IL1RAPL1: variants seen among roughly 807,000 people sequenced by gnomAD.
The protein encoded by IL1RAPL1 is interleukin-1 receptor accessory protein-like 1.
IL1RAPL1 carries 3 observed loss-of-function variants against 48.4 expected under a neutral mutation model. The ratio of observed to expected loss-of-function variants is 0.06; its 90% confidence interval spans 0.03 to 0.16. The LOEUF is 0.16. Ranked by LOEUF, IL1RAPL1 falls within the 10% of genes least tolerant of loss-of-function variation. The pLI is 1.00. For missense variants in IL1RAPL1, 349 were observed against 530.6 expected, an observed-to-expected ratio of 0.66 and a Z score of 3.36; for synonymous variants, 185 against 187.7, an observed-to-expected ratio of 0.99 and a Z score of 0.12.
intron 6 of IL1RAPL1, among the ~76,000 whole-genome samples, chrX:29,766,430 AATATATATATATTTATATGTCCAAAT>A (rs1380259438): frequency 2.1e-5 from 2 of 93,476 alleles, no homozygotes; most frequent in East Asian, 6.1e-4. Context: ...TATATATCCA[AATATATATATATTTATATGTCCAAAT>A]ATATATATAT....
chrX:28,812,839 C>T (rs912252093), intron 2 of IL1RAPL1, among the ~76,000 whole-genome samples: 4 of 110,617 alleles, frequency 3.6e-5, no homozygotes, highest in Non-Finnish European at 7.6e-5. Context: ...TCCTCAGGCA[C>T]ATTCTGTTAA....
chrX:29,023,735 T>A (rs1926421925), intron 2 of IL1RAPL1, among the ~76,000 whole-genome samples: 1 of 112,304 alleles, frequency 8.9e-6, no homozygotes, highest in Non-Finnish European at 1.9e-5. Context: ...GATACCTTCC[T>A]ATGGGGAATC....
intron 2 of IL1RAPL1, among the ~76,000 whole-genome samples, chrX:28,875,780 C>G (rs1160862140): frequency 9.0e-6 from 1 of 111,613 alleles, no homozygotes; most frequent in Non-Finnish European, 1.9e-5. Context: ...TATTGATGAT[C>G]AGAGGCCAAA....
intron 3 of IL1RAPL1, among the ~76,000 whole-genome samples, chrX:29,339,671 A>G (rs1325481315): frequency 8.9e-6 from 1 of 112,154 alleles, no homozygotes; most frequent in Non-Finnish European, 1.9e-5. Context: ...TACAGTTGTC[A>G]TAATTAATGA....
intron 2 of IL1RAPL1, among the ~76,000 whole-genome samples, chrX:29,199,658 G>A (rs910826954): frequency 8.9e-6 from 1 of 111,845 alleles, no homozygotes; most frequent in African/African-American, 3.3e-5. Flanking sequence ...AGAATCTAAT[G>A]CTGCTGCTGA....
chrX:29,217,776 CTCACA>C, intron 2 of IL1RAPL1, among the ~76,000 whole-genome samples: 1 of 37,200 alleles, frequency 2.7e-5, no homozygotes, highest in East Asian at 1.2e-3. Flanking sequence ...CTCTCTCTCT[CTCACA>C]CACACACACA....
chrX:29,099,611 C>T (rs909417166), intron 2 of IL1RAPL1, among the ~76,000 whole-genome samples: 3 of 111,716 alleles, frequency 2.7e-5, no homozygotes, highest in Non-Finnish European at 5.6e-5. Flanking sequence ...TTGTAAATCC[C>T]ATGTGTTATT....
Position 29,203,633 on chromosome X carries a change from C to T in IL1RAPL1, c.83-79305C>T, listed in dbSNP as rs541741068. On this transcript the variant is annotated intron_variant, in intron 2 of 10. Transcript: ENST00000378993. ...ACTCAGGAGGCTGAGGCAGGAGAATCGCTTGAACCCGGGAGGCAGAGGTTG... is the reference window on the plus strand; with the variant it reads ...ACTCAGGAGGCTGAGGCAGGAGAATTGCTTGAACCCGGGAGGCAGAGGTTG... Among the ~76,000 whole-genome samples, 14 of 105,875 alleles carry T rather than the reference C, an allele frequency of 1.3e-4. No homozygotes were observed. In the South Asian group the frequency reaches 5.2e-3, roughly 40 times the overall value. 91.9% of individuals were successfully genotyped at this position (105,875 alleles called of 115,157 possible).
At chrX:29,859,224 A>G (rs759152124) in intron 6 of IL1RAPL1, among the ~76,000 whole-genome samples, 9 of 111,841 alleles carry the variant, frequency 8.0e-5, no homozygotes, top group African/African-American at 1.6e-4. Flanking sequence ...CTCAACTGCC[A>G]TCTCAACCTG....
intron 2 of IL1RAPL1, among the ~76,000 whole-genome samples, chrX:28,932,051 AT>A (rs1413406862): frequency 4.5e-5 from 5 of 110,111 alleles, no homozygotes; most frequent in African/African-American, 1.3e-4. Flanking sequence ...CAAAAAAAAA[AT>A]AAAAAATAAA....
intron 2 of IL1RAPL1, among the ~76,000 whole-genome samples, chrX:28,991,983 A>T (rs1189901916): frequency 3.6e-5 from 4 of 111,685 alleles, no homozygotes; most frequent in Non-Finnish European, 7.5e-5. Context: ...GTTCTCTTTC[A>T]GTCAAATCTA....
At chrX:29,918,399 G>GGAGGCT (rs1932820493) in intron 7 of IL1RAPL1, among the ~76,000 whole-genome samples, 1 of 102,022 alleles carries the variant, frequency 9.8e-6, no homozygotes, top group East Asian at 3.0e-4. Flanking sequence ...CAGCTACTCG[G>GGAGGCT]GAGGCTGAGG....
At chrX:29,089,749 AATATATATATATATATATATATATAT>A (rs1159198583) in intron 2 of IL1RAPL1, among the ~76,000 whole-genome samples, 6 of 16,983 alleles carry the variant, frequency 3.5e-4, no homozygotes, top group Middle Eastern at 0.043. Flanking sequence ...GAGAAATATG[AATATATATATATATATATATATATAT>A]ATATATATAT....
intron 5 of IL1RAPL1, among the ~76,000 whole-genome samples, chrX:29,515,721 C>A (rs143918557): frequency 0.012 from 1,305 of 111,630 alleles, 17 homozygotes; most frequent in African/African-American, 0.041. Context: ...CTCTGTCTCC[C>A]AGGCTGTAGA....
intron 2 of IL1RAPL1, among the ~76,000 whole-genome samples, chrX:29,230,591 C>G (rs1467040174): frequency 9.6e-6 from 1 of 104,197 alleles, no homozygotes; most frequent in African/African-American, 3.5e-5. Context: ...ATCTCCCCAT[C>G]CCTTCCTACA....
intron 5 of IL1RAPL1, among the ~76,000 whole-genome samples, chrX:29,651,864 T>A (rs1481298049): frequency 8.9e-6 from 1 of 111,837 alleles, no homozygotes; most frequent in Non-Finnish European, 1.9e-5. Context: ...TACTTCAAAA[T>A]ATCATGTTGT....
intron 8 of IL1RAPL1, among the ~76,000 whole-genome samples, chrX:29,922,143 A>G (rs1932853185): frequency 9.0e-6 from 1 of 111,325 alleles, no homozygotes; most frequent in African/African-American, 3.3e-5. Context: ...GGATAAAGCT[A>G]TTAAAGCTCT....
At chrX:29,925,410 CTGTTTTT>C (rs1932878219) in intron 8 of IL1RAPL1, among the ~76,000 whole-genome samples, 19 of 6,074 alleles carry the variant, frequency 3.1e-3, no homozygotes, top group African/African-American at 6.5e-3. Flanking sequence ...TGTCCCGTAA[CTGTTTTT>C]TTTTTTTTTT....
chrX:29,449,780 C>CACACACACAGAG (rs557765024), intron 5 of IL1RAPL1, among the ~76,000 whole-genome samples: 27 of 58,233 alleles, frequency 4.6e-4, no homozygotes, highest in South Asian at 1.2e-3. Context: ...CACACACACA[C>CACACACACAGAG]AGAGAGAGAG....
Sources: gnomAD v4.1 joint callset for allele counts (sites outside exome capture counted in the v4.1 genomes callset) on GRCh38, gnomAD v4.1.1 for gene constraint, MANE v1.5 for transcripts, NCBI Gene and HGNC (gene_info 2026-07-23, HGNC 2026-07-21) for gene names.